CXXC5: variants seen among roughly 807,000 people sequenced by gnomAD.
CXXC5 encodes the protein CXXC-type zinc finger protein 5.
Under a neutral mutation model 17.6 loss-of-function variants are expected in CXXC5, and 2 were observed. That is an observed-to-expected ratio of 0.11 (90% CI 0.05 to 0.36). CXXC5 has a LOEUF of 0.36. Ranked by LOEUF, CXXC5 falls within the 10% of genes least tolerant of loss-of-function variation. CXXC5 has a pLI of 1.00. For missense variants in CXXC5, 343 were observed against 458.3 expected (o/e 0.75, Z 2.30); for synonymous variants, 171 against 193.0 (o/e 0.89, Z 0.94).
intron 2 of CXXC5, among the ~76,000 whole-genome samples, chr5:139,681,785 C>T (rs1224788192): frequency 6.6e-6 from 1 of 152,220 alleles, no homozygotes; most frequent in Non-Finnish European, 1.5e-5. Flanking sequence ...GTTTCTGATG[C>T]TCAGACATGG....
At position 139,681,222 on chromosome 5, in the gene CXXC5, C is replaced by T. The variant is rs1347742885; in HGVS notation, c.699C>T (p.Ser233=). 18 of 1,612,234 alleles carry T rather than the reference C, an allele frequency of 1.1e-5. No individual in the cohort carries two copies. The highest frequency in any genetic ancestry group is 1.5e-5 in the Non-Finnish European group (18 of 1,179,538). The stretch of plus-strand genomic sequence containing the variant: ...CGGCAGGTGTGTTCCTGGCCGAGAG[C>T]GCGCTGCACATGGCGGGCCTGGCTG... The part of the protein sequence containing the change: ...MTPAGVFLAE[S]ALHMAGLAEY... Residue 233 remains serine, a synonymous_variant, in exon 2 of 3, where the codon AGC becomes AGT. Coordinates refer to ENST00000302517, the MANE Select transcript of CXXC5 (RefSeq NM_016463.9).
chr5:139,664,400 G>C (rs1245273673), intron 1 of CXXC5, among the ~76,000 whole-genome samples: 1 of 152,146 alleles, frequency 6.6e-6, no homozygotes, highest in East Asian at 1.9e-4. Context: ...TTGAGCAAGT[G>C]CCCTTGAGCT....
intron 1 of CXXC5, among the ~76,000 whole-genome samples, chr5:139,678,937 C>A (rs1448048126): frequency 6.6e-6 from 1 of 152,230 alleles, no homozygotes; most frequent in African/African-American, 2.4e-5. Context: ...GATGAGGAAA[C>A]CGCCGCCTTG....
rs1159078412 is a variant in CXXC5, at chr5:139,680,414, C to T, written c.-110C>T. 7.8e-6 allele frequency: 11 copies of T among 1,418,158 alleles called. No homozygotes were observed. Among genetic ancestry groups the T allele is most frequent in the South Asian group, 5.9e-5 (4 of 68,372 alleles). 87.8% of individuals were successfully genotyped at this position (1,418,158 alleles called of 1,614,324 possible). On this transcript the variant is annotated 5_prime_UTR_variant, in exon 2 of 3. Coordinates refer to ENST00000302517, the MANE Select transcript of CXXC5 (RefSeq NM_016463.9). ...CTGACCATGTGCCTGCCCTGAGCAGCGAGGCCCACCAGGCATCTCTGTTGT... is the reference window on the plus strand; with the variant it reads ...CTGACCATGTGCCTGCCCTGAGCAGTGAGGCCCACCAGGCATCTCTGTTGT...
rs1755779813 is a variant in CXXC5, at chr5:139,661,068, C to A, written c.-161+12223C>A. Among the ~76,000 whole-genome samples the A allele has an allele frequency of 6.6e-6, 1 of 152,270 alleles. No individual in the cohort carries two copies. Among genetic ancestry groups the A allele is most frequent in the East Asian group, 1.9e-4 (1 of 5,170 alleles). On this transcript the variant is annotated intron_variant, in intron 1 of 2. Transcript: ENST00000302517. This position sits in a 1 kb window ranked among gnomAD's most constrained non-coding sequence, Gnocchi z 4.7. ...AGTCTGGGGGACCAGGACAGCCTCCCCCACCTCCGCCCTCATGCTCTTCCC... is the reference window on the plus strand; with the variant it reads ...AGTCTGGGGGACCAGGACAGCCTCCACCACCTCCGCCCTCATGCTCTTCCC...
rs1052610223 is a variant in CXXC5, at chr5:139,670,720, C to T, written c.-160-9644C>T. 1.3e-5 allele frequency among the ~76,000 whole-genome samples: 2 copies of T among 152,234 alleles called. No individual in the cohort carries two copies. The highest frequency in any genetic ancestry group is 2.4e-5 in the African/African-American group (1 of 41,448). ...TCCATGTACATTCACAGACTTGGGT[C>T]GCACACACATGCCTCCACTTTACCC... On this transcript the variant is annotated intron_variant, in intron 1 of 2. Transcript: ENST00000302517. This position sits in a 1 kb window ranked among gnomAD's most constrained non-coding sequence, Gnocchi z 4.2.
At chr5:139,677,034 G>C (rs565866609) in intron 1 of CXXC5, among the ~76,000 whole-genome samples, 3 of 146,786 alleles carry the variant, frequency 2.0e-5, no homozygotes, top group African/African-American at 7.6e-5. Flanking sequence ...CCCAGCTCCC[G>C]GCTGGCCGGC....
chr5:139,664,488 G>C (rs982675464), intron 1 of CXXC5, among the ~76,000 whole-genome samples: 3 of 152,150 alleles, frequency 2.0e-5, no homozygotes, highest in Non-Finnish European at 4.4e-5. Context: ...TTAGCACCAG[G>C]CGCTGCATGG....
rs1304885514 is a variant in CXXC5, at chr5:139,661,738, C to T, written c.-161+12893C>T. Among the ~76,000 whole-genome samples, 3 of 152,378 alleles carry T rather than the reference C, an allele frequency of 2.0e-5. No individual in the cohort carries two copies. Among genetic ancestry groups the T allele is most frequent in the Admixed American group, 2.0e-4 (3 of 15,306 alleles). On this transcript the variant is annotated intron_variant, in intron 1 of 2. Coordinates refer to ENST00000302517, the MANE Select transcript of CXXC5 (RefSeq NM_016463.9). The surrounding 1 kb of genome is among the most constrained non-coding windows in gnomAD (Gnocchi z 4.7). ...GGTCAGGGCTCTGTTCCCCTAGACG[C>T]CCCGTGTTTAGGCTTACACGGAAGA...
rs543775137 is a variant in CXXC5 at position 139,661,783 on chromosome 5, T to C, written c.-161+12938T>C. ...GGAAGAGGCCCGGCCTTCAGCCATG[T>C]TGTGTCCACCGGGTTCTGCAAGGTG... On this transcript the variant is annotated intron_variant, in intron 1 of 2. Coordinates refer to ENST00000302517, the MANE Select transcript of CXXC5 (RefSeq NM_016463.9). The surrounding 1 kb of genome is among the most constrained non-coding windows in gnomAD (Gnocchi z 4.7). Among the ~76,000 whole-genome samples the C allele has an allele frequency of 1.3e-5, 2 of 152,382 alleles. No homozygotes were observed. The highest frequency in any genetic ancestry group is 4.1e-4 in the South Asian group (2 of 4,830).
intron 2 of CXXC5, 60 bp downstream of exon 2, chr5:139,681,507 AC>A: frequency 6.7e-7 from 1 of 1,497,164 alleles, no homozygotes; most frequent in Non-Finnish European, 8.9e-7. Flanking sequence ...GTCCAAACCC[AC>A]CCCCATCCCC....
At chr5:139,656,081 C>A (rs903295786) in intron 1 of CXXC5, among the ~76,000 whole-genome samples, 6 of 152,248 alleles carry the variant, frequency 3.9e-5, no homozygotes, top group African/African-American at 1.4e-4. Flanking sequence ...TTCTGACCTC[C>A]TCAGACGTGC....
chr5:139,668,206 A>G lies in CXXC5; in HGVS notation c.-160-12158A>G, dbSNP rs1161464990. ...TCATTTATGAGGCAAAAATGAAACC[A>G]ATTAAGGACAAACTTTGAAAGCCTC... On this transcript the variant is annotated intron_variant, in intron 1 of 2. Coordinates refer to ENST00000302517, the MANE Select transcript of CXXC5 (RefSeq NM_016463.9). The surrounding 1 kb of genome is among the most constrained non-coding windows in gnomAD (Gnocchi z 4.1). Among the ~76,000 whole-genome samples the G allele has an allele frequency of 6.6e-6, 1 of 152,002 alleles. No homozygotes were observed. The highest frequency in any genetic ancestry group is 1.5e-5 in the Non-Finnish European group (1 of 68,010).
chr5:139,681,503 ACCCACCCCC>A, intron 2 of CXXC5, 56 bp downstream of exon 2: 1 of 1,512,244 alleles, frequency 6.6e-7, no homozygotes, highest in Non-Finnish European at 8.9e-7. Context: ...GGCAGTCCAA[ACCCACCCCC>A]ATCCCCTGAC....
intron 1 of CXXC5, among the ~76,000 whole-genome samples, chr5:139,671,653 C>T (rs1439774084): frequency 6.6e-6 from 1 of 152,246 alleles, no homozygotes; most frequent in Non-Finnish European, 1.5e-5. Context: ...CTGGCCCAGC[C>T]TGCCCCGTCT....
intron 1 of CXXC5, among the ~76,000 whole-genome samples, chr5:139,654,532 A>G (rs867137807): frequency 3.3e-5 from 5 of 152,172 alleles, no homozygotes; most frequent in South Asian, 4.1e-4. Context: ...ACTGGCTTTT[A>G]TAGAGACAAG....
At chr5:139,665,729 C>G (rs1232089664) in intron 1 of CXXC5, 1 of 152,292 alleles carries the variant, frequency 6.6e-6, no homozygotes, top group African/African-American at 2.4e-5. Flanking sequence ...CAGTGCTGAC[C>G]CACTGGAGAC....
chr5:139,683,822 G>A lies in CXXC5; in HGVS notation c.*915G>A, dbSNP rs1757395690. On this transcript the variant is annotated 3_prime_UTR_variant, in exon 3 of 3. Transcript: ENST00000302517. ...CTTCCTGCTGATGAACATGCTGTTT[G>A]TATTGTTTTAGGAAACCAGGCTGTT... 1 of 152,500 alleles carries A rather than the reference G, an allele frequency of 6.6e-6. No individual in the cohort carries two copies. The highest frequency in any genetic ancestry group is 6.5e-5 in the Admixed American group (1 of 15,282). 9.4% of individuals were successfully genotyped at this position (152,500 alleles called of 1,614,324 possible).
intron 1 of CXXC5, among the ~76,000 whole-genome samples, chr5:139,678,800 G>A (rs766696788): frequency 2.0e-5 from 3 of 152,206 alleles, no homozygotes; most frequent in African/African-American, 7.2e-5. Context: ...GATGGGGCCC[G>A]CCAGATGTGC....
Sources: gnomAD v4.1 joint callset for allele counts (sites outside exome capture counted in the v4.1 genomes callset) on GRCh38, gnomAD v4.1.1 for gene constraint, Gnocchi (gnomAD v3.1) non-coding constraint, MANE v1.5 for transcripts, NCBI Gene and HGNC (gene_info 2026-07-23, HGNC 2026-07-21) for gene names.